Variants in ARMC2 observed in about 807,000 individuals in gnomAD.
The protein encoded by ARMC2 is armadillo repeat containing 2, also known as armadillo repeat-containing protein 2.
A neutral mutation model predicts 90.3 loss-of-function variants in ARMC2; 67 were observed. The observed-to-expected ratio is 0.74, with a 90% CI of 0.61 to 0.91. The LOEUF (loss-of-function observed/expected upper bound fraction) is 0.91, where lower values mean the gene tolerates loss of function less well. Ranked by LOEUF, ARMC2 falls within the 40% of genes least tolerant of loss-of-function variation. The pLI is 0.00. For missense variants in ARMC2, 920 were observed against 1,030.9 expected, an observed-to-expected ratio of 0.89 and a Z score of 1.47; for synonymous variants, 393 against 393.0, an observed-to-expected ratio of 1.00 and a Z score of 0.00.
rs1775995212 is a variant in ARMC2, at chr6:108,936,832, A to G, written c.1497-68A>G. 6 of 1,254,172 alleles carry G rather than the reference A, an allele frequency of 4.8e-6. No homozygotes were observed. In the South Asian group the frequency reaches 7.8e-5, roughly 16 times the overall value. 77.7% of individuals were successfully genotyped at this position (1,254,172 alleles called of 1,614,324 possible). ...TTTGAAGGTCTGCATTTAAAGTGAT[A>G]CTATGTGTACTTGAATTTTATAGAA... is the stretch of plus-strand genomic sequence containing the variant. On this transcript the variant is annotated intron_variant, in intron 11 of 17. Transcript: ENST00000392644.
chr6:108,862,847 T>G (rs1385606991), intron 3 of ARMC2, among the ~76,000 whole-genome samples: 1 of 152,208 alleles, frequency 6.6e-6, no homozygotes, highest in Admixed American at 6.5e-5. Flanking sequence ...CCACCAGCAG[T>G]CAGTCAGGGA....
At chr6:109,022,049 A>ATTT in the ARMC2 span, among the ~76,000 whole-genome samples, 27 of 147,462 alleles carry the variant, frequency 1.8e-4, no homozygotes, top group South Asian at 3.2e-3. Flanking sequence ...TGTGCCAGGC[A>ATTT]TTTTTTTTTT....
At chr6:108,884,655 C>T (rs1247136680) in intron 5 of ARMC2, among the ~76,000 whole-genome samples, 1 of 152,118 alleles carries the variant, frequency 6.6e-6, no homozygotes, top group Non-Finnish European at 1.5e-5. Context: ...CAAGCCATAG[C>T]GCTGAGCAGC....
chr6:109,003,320 G>A, the ARMC2 span, among the ~76,000 whole-genome samples: 1 of 143,022 alleles, frequency 7.0e-6, no homozygotes, highest in Non-Finnish European at 1.5e-5. Flanking sequence ...TGCTTTTAAA[G>A]TTCTTCATGA....
chr6:109,008,419 A>C, the ARMC2 span, among the ~76,000 whole-genome samples: 1 of 152,088 alleles, frequency 6.6e-6, no homozygotes, highest in Non-Finnish European at 1.5e-5. Flanking sequence ...GGAACATCTA[A>C]TATGTCCATA....
chr6:109,024,399 G>A, the ARMC2 span, among the ~76,000 whole-genome samples: 1 of 152,106 alleles, frequency 6.6e-6, no homozygotes, highest in Non-Finnish European at 1.5e-5. Context: ...AACTTGGATA[G>A]CACAGTAGCA....
At chr6:109,013,692 G>A in the ARMC2 span, among the ~76,000 whole-genome samples, 1 of 152,196 alleles carries the variant, frequency 6.6e-6, no homozygotes, top group Non-Finnish European at 1.5e-5. Flanking sequence ...AAAACATACA[G>A]TAATGGTTTT....
intron 3 of ARMC2, among the ~76,000 whole-genome samples, chr6:108,866,328 C>T (rs746583548): frequency 3.9e-5 from 6 of 152,266 alleles, no homozygotes; most frequent in Admixed American, 1.3e-4. Flanking sequence ...TATTTTGCAA[C>T]AAAGTGGGGA....
chr6:108,904,467 T>C (rs771319031), intron 8 of ARMC2, 62 bp downstream of exon 8: 28 of 1,366,784 alleles, frequency 2.0e-5, no homozygotes, highest in Non-Finnish European at 2.8e-5. Flanking sequence ...TTTAATGCTT[T>C]ATTTTTAAAT....
chr6:109,048,103 T>C, the ARMC2 span, among the ~76,000 whole-genome samples: 1 of 128,198 alleles, frequency 7.8e-6, no homozygotes, highest in African/African-American at 3.0e-5. Flanking sequence ...AAAAAATAAA[T>C]TAAAAAAAAA....
At chr6:109,008,679 A>G in the ARMC2 span, 1 of 646,588 alleles carries the variant, frequency 1.5e-6, no homozygotes, top group South Asian at 6.8e-5. Context: ...CTAAGGTTAC[A>G]TTAGTAACTT....
intron 4 of ARMC2, among the ~76,000 whole-genome samples, chr6:108,871,388 C>A (rs1183613601): frequency 6.6e-6 from 1 of 152,140 alleles, no homozygotes. Flanking sequence ...AACGCTCCCC[C>A]CGCAACCCGA....
chr6:109,036,762 T>C, the ARMC2 span, among the ~76,000 whole-genome samples: 234 of 152,336 alleles, frequency 1.5e-3, no homozygotes, highest in African/African-American at 5.1e-3. Context: ...TTGTTTCCAG[T>C]GGCGCTATTA....
intron 2 of ARMC2, among the ~76,000 whole-genome samples, chr6:108,855,250 C>CTTT (rs1256172618): frequency 1.4e-5 from 2 of 138,170 alleles, no homozygotes; most frequent in Non-Finnish European, 3.2e-5. Flanking sequence ...TTTTGTTTTT[C>CTTT]TTTTTTTTTT....
chr6:109,022,485 C>T, the ARMC2 span, among the ~76,000 whole-genome samples: 17 of 127,628 alleles, frequency 1.3e-4, no homozygotes, highest in Non-Finnish European at 2.3e-4. Context: ...TGCAGTGGCG[C>T]GATCTCGGCT....
rs566973496 is a variant in ARMC2, at chr6:108,874,055, T to A, written c.464-2088T>A. Among the ~76,000 whole-genome samples the A allele has an allele frequency of 3.9e-5, 6 of 152,350 alleles. No individual in the cohort carries two copies. In the South Asian group the frequency reaches 8.3e-4, roughly 21 times the overall value. On this transcript the variant is annotated intron_variant, in intron 4 of 17. Coordinates refer to ENST00000392644, the MANE Select transcript of ARMC2 (RefSeq NM_032131.6). ...TGTGGTAAGGCTGCTGGGAGCTGTC[T>A]CCTTTTGAAGTTTACCCACGATCCA...
chr6:109,026,585 C>T, the ARMC2 span, among the ~76,000 whole-genome samples: 33 of 152,174 alleles, frequency 2.2e-4, no homozygotes, highest in Middle Eastern at 3.4e-3. Flanking sequence ...CAACCTTCTC[C>T]GCCTCCCAGT....
At chr6:108,923,095 G>T (rs1325523420) in intron 10 of ARMC2, 3 of 152,172 alleles carry the variant, frequency 2.0e-5, no homozygotes, top group Non-Finnish European at 2.9e-5. Context: ...TGGGGGAAAA[G>T]ATAGGAATTA....
At chr6:109,039,856 G>A in the ARMC2 span, among the ~76,000 whole-genome samples, 28 of 152,296 alleles carry the variant, frequency 1.8e-4, no homozygotes, top group South Asian at 5.8e-3. Context: ...GTGAATTATT[G>A]TGGCTTCAAC....
Sources: gnomAD v4.1 joint callset for allele counts (sites outside exome capture counted in the v4.1 genomes callset) on GRCh38, gnomAD v4.1.1 for gene constraint, MANE v1.5 for transcripts, NCBI Gene and HGNC (gene_info 2026-07-23, HGNC 2026-07-21) for gene names.